Variants in ESR1 observed in about 807,000 individuals in gnomAD.
ESR1 encodes estrogen receptor 1.
In ESR1, 12 loss-of-function variants were observed where a neutral mutation model predicts 52.7. The observed-to-expected ratio is 0.23, with a 90% CI of 0.15 to 0.37. The LOEUF (loss-of-function observed/expected upper bound fraction) is 0.37, where lower values mean the gene tolerates loss of function less well. Ranked by LOEUF, ESR1 falls within the 10% of genes least tolerant of loss-of-function variation. The pLI is 1.00. For missense variants in ESR1, 584 were observed against 779.7 expected, an observed-to-expected ratio of 0.75 and a Z score of 2.99; for synonymous variants, 305 against 316.8, an observed-to-expected ratio of 0.96 and a Z score of 0.39.
intron 5 of ESR1, among the ~76,000 whole-genome samples, chr6:152,050,825 C>T (rs1330594259): frequency 6.6e-6 from 1 of 152,152 alleles, no homozygotes; most frequent in East Asian, 1.9e-4. Flanking sequence ...CAAATGGGTC[C>T]TGGGTAATTT....
At chr6:151,668,152 T>C (rs962022280) in intron 1 of ESR1, among the ~76,000 whole-genome samples, 2 of 152,226 alleles carry the variant, frequency 1.3e-5, no homozygotes, top group Non-Finnish European at 2.9e-5. Flanking sequence ...AAGTCCAAGA[T>C]CAAGGCACCA....
intron 4 of ESR1, among the ~76,000 whole-genome samples, chr6:151,947,372 AATT>A (rs2035823758): frequency 6.6e-6 from 1 of 152,130 alleles, no homozygotes; most frequent in Non-Finnish European, 1.5e-5. Context: ...AGAATAGCAA[AATT>A]TCAGTTCTAG....
intron 4 of ESR1, among the ~76,000 whole-genome samples, chr6:151,978,097 G>A (rs371012158): frequency 1.3e-3 from 199 of 152,114 alleles, no homozygotes; most frequent in African/African-American, 4.4e-3. Context: ...CAAAAGTTCT[G>A]TGTGAAATAT....
chr6:151,759,145 C>T (rs1029510723), intron 2 of ESR1, among the ~76,000 whole-genome samples: 22 of 150,334 alleles, frequency 1.5e-4, no homozygotes, highest in African/African-American at 3.7e-4. Context: ...TGTGGTGGTG[C>T]GTGCCTGTAG....
intron 2 of ESR1, among the ~76,000 whole-genome samples, chr6:151,867,860 G>T (rs9479134): frequency 1.3e-5 from 2 of 152,128 alleles, no homozygotes; most frequent in Non-Finnish European, 2.9e-5. Flanking sequence ...GACTGAATTC[G>T]TGTGTTAATC....
rs568270303 is a variant in ESR1 at position 152,099,421 on chromosome 6, A to T, written c.*455A>T. 3.2e-4 allele frequency: 102 copies of T among 320,394 alleles called. No individual in the cohort carries two copies. Among genetic ancestry groups the T allele is most frequent in the Non-Finnish European group, 4.4e-4 (75 of 170,070 alleles). The allele number at this position is 320,394 out of a possible 1,614,324, so 19.8% of individuals were successfully genotyped here. ...GCTCCTTTAATTGGTGACTTGGAGA[A>T]AGCTAGGTCAAGGGTTTATTATAGC... On this transcript the variant is annotated 3_prime_UTR_variant, in exon 8 of 8. Coordinates refer to ENST00000206249, the MANE Select transcript of ESR1 (RefSeq NM_000125.4).
chr6:151,685,977 C>T (rs1349417234), upstream of ESR1, among the ~76,000 whole-genome samples: 1 of 151,774 alleles, frequency 6.6e-6, no homozygotes. Flanking sequence ...GAACGTGGCT[C>T]ACTGCAACCT....
intron 5 of ESR1, among the ~76,000 whole-genome samples, chr6:152,041,212 C>T (rs1049998237): frequency 6.6e-5 from 10 of 152,226 alleles, no homozygotes; most frequent in South Asian, 2.1e-4. Context: ...CTCCAAACAA[C>T]ATCCCTATCT....
chr6:151,896,868 G>A (rs1265172006), intron 3 of ESR1, among the ~76,000 whole-genome samples: 7 of 151,938 alleles, frequency 4.6e-5, no homozygotes, highest in African/African-American at 1.5e-4. Context: ...CCAGAGGTTT[G>A]GATGGTTGTG....
rs1226070623 is a variant in ESR1, at chr6:151,944,435, G to A, written c.1023G>A (p.Ser341=). 4 of 1,614,060 alleles carry A rather than the reference G, an allele frequency of 2.5e-6. No homozygotes were observed. Among genetic ancestry groups the A allele is most frequent in the Non-Finnish European group, 3.4e-6 (4 of 1,180,040 alleles). The part of the protein sequence containing the change: ...YDPTRPFSEA[S]MMGLLTNLAD... Reference sequence around the variant, plus strand: ...CTACCAGACCCTTCAGTGAAGCTTCGATGATGGGCTTACTGACCAACCTGG... The same window carrying A: ...CTACCAGACCCTTCAGTGAAGCTTCAATGATGGGCTTACTGACCAACCTGG... The change falls in exon 4 of 8, where the codon TCG becomes TCA. Residue 341 remains serine, a synonymous_variant. Coordinates refer to ENST00000206249, the MANE Select transcript of ESR1 (RefSeq NM_000125.4).
intron 5 of ESR1, among the ~76,000 whole-genome samples, chr6:152,052,772 T>G (rs2046791201): frequency 6.6e-6 from 1 of 151,416 alleles, no homozygotes; most frequent in South Asian, 2.1e-4. Flanking sequence ...GGGGGTGAGG[T>G]GGGGTGGGCG....
chr6:152,118,801 A>G (rs997298132), intron 6 of ESR1, among the ~76,000 whole-genome samples: 2 of 152,096 alleles, frequency 1.3e-5, no homozygotes, highest in Non-Finnish European at 2.9e-5. Context: ...AATAAAACAA[A>G]CAAACACAAG....
intron 2 of ESR1, among the ~76,000 whole-genome samples, chr6:151,876,776 C>G (rs1791894783): frequency 6.6e-6 from 1 of 152,146 alleles, no homozygotes; most frequent in Non-Finnish European, 1.5e-5. Flanking sequence ...GCCAGTCAAA[C>G]CTTAGATTCC....
intron 2 of ESR1, among the ~76,000 whole-genome samples, chr6:151,860,717 AT>A (rs1321313044): frequency 3.3e-5 from 5 of 152,146 alleles, no homozygotes; most frequent in African/African-American, 1.2e-4. Context: ...TTAGACACAA[AT>A]TTCTTTCTCA....
intron 2 of ESR1, among the ~76,000 whole-genome samples, chr6:151,746,170 A>C (rs138197970): frequency 6.6e-6 from 1 of 152,296 alleles, no homozygotes; most frequent in Non-Finnish European, 1.5e-5. Flanking sequence ...TGCTGCTGTG[A>C]ACACAGGTGT....
chr6:151,686,040 C>T (rs1778651432), upstream of ESR1, among the ~76,000 whole-genome samples: 1 of 147,416 alleles, frequency 6.8e-6, no homozygotes, highest in Admixed American at 6.7e-5. Flanking sequence ...AGACATATGC[C>T]ATCACATCCA....
At chr6:151,809,063 T>C (rs932795653) in intron 1 of ESR1, 6 of 281,540 alleles carry the variant, frequency 2.1e-5, no homozygotes, top group Non-Finnish European at 3.9e-5. Context: ...CGGAAATTTG[T>C]AGGTGTCCCG....
At chr6:151,991,440 G>GAA (rs71556238) in intron 4 of ESR1, among the ~76,000 whole-genome samples, 1 of 145,248 alleles carries the variant, frequency 6.9e-6, no homozygotes, top group Admixed American at 6.9e-5. Flanking sequence ...GTGCTACAAG[G>GAA]AAAAAAAAAA....
chr6:152,064,845 C>T (rs2047839167), intron 6 of ESR1, among the ~76,000 whole-genome samples: 1 of 152,198 alleles, frequency 6.6e-6, no homozygotes, highest in South Asian at 2.1e-4. Flanking sequence ...TTTTTCCCAT[C>T]TGTTCTTACC....
Sources: gnomAD v4.1 joint callset for allele counts (sites outside exome capture counted in the v4.1 genomes callset) on GRCh38, gnomAD v4.1.1 for gene constraint, MANE v1.5 for transcripts, NCBI Gene and HGNC (gene_info 2026-07-23, HGNC 2026-07-21) for gene names.